PICALM: variants seen among roughly 807,000 people sequenced by gnomAD.
PICALM encodes the protein phosphatidylinositol binding clathrin assembly protein, also known as phosphatidylinositol-binding clathrin assembly protein.
A neutral mutation model predicts 80.5 loss-of-function variants in PICALM; 40 were observed. That is an observed-to-expected ratio of 0.50 (90% confidence interval 0.39 to 0.65). The LOEUF (loss-of-function observed/expected upper bound fraction) is 0.65. Ranked by LOEUF, PICALM falls within the 30% of genes least tolerant of loss-of-function variation. The probability of loss-of-function intolerance (pLI) is 0.00; values close to 1 mark genes in which losing one functional copy is unlikely to be tolerated. For missense variants in PICALM, 676 were observed against 778.9 expected, an observed-to-expected ratio of 0.87 and a Z score of 1.57; for synonymous variants, 288 against 260.3, an observed-to-expected ratio of 1.11 and a Z score of -1.02.
intron 13 of PICALM, among the ~76,000 whole-genome samples, chr11:85,985,593 C>G (rs1162205078): frequency 6.6e-6 from 1 of 152,162 alleles, no homozygotes; most frequent in Non-Finnish European, 1.5e-5. Flanking sequence ...GAATCCTAGA[C>G]TTACCAATTT....
At chr11:86,053,127 A>C (rs773772202) in intron 1 of PICALM, among the ~76,000 whole-genome samples, 15 of 152,264 alleles carry the variant, frequency 9.9e-5, no homozygotes, top group Non-Finnish European at 2.1e-4. Context: ...AGGACAGATT[A>C]GTGTTTCACA....
chr11:86,053,942 T>C (rs576591204), intron 1 of PICALM, among the ~76,000 whole-genome samples: 4 of 152,324 alleles, frequency 2.6e-5, no homozygotes, highest in African/African-American at 7.2e-5. Flanking sequence ...TTTTCAGATA[T>C]ATAAAAGTCA....
In PICALM at chr11:86,068,742, G is replaced by T. The variant is rs1392961536; in HGVS notation, c.39C>A (p.Ala13=). The change falls in exon 1 of 20, where the codon GCC becomes GCA. Residue 13 remains alanine, a synonymous_variant. Coordinates refer to ENST00000393346, the MANE Select transcript of PICALM (RefSeq NM_007166.4). ...GQSLTDRITA[A]QHSVTGSAVS... is the part of the protein sequence containing the mutation. ...CGGCAGAGCCGGTGACACTGTGCTG[G>T]GCGGCAGTGATTCGGTCCGTCAGGC... 2 of 1,612,418 alleles carry T rather than the reference G, an allele frequency of 1.2e-6. No homozygotes were observed. The highest frequency in any genetic ancestry group is 4.5e-5 in the East Asian group (2 of 44,856).
intron 13 of PICALM, among the ~76,000 whole-genome samples, chr11:85,988,967 C>G (rs757219092): frequency 5.9e-5 from 9 of 152,204 alleles, no homozygotes; most frequent in Non-Finnish European, 1.2e-4. Flanking sequence ...CAAGCCTACA[C>G]ACTTTCACAG....
intron 19 of PICALM, chr11:85,974,405 T>A: frequency 5.6e-6 from 3 of 538,896 alleles, no homozygotes; most frequent in South Asian, 4.2e-5. Context: ...TCACAAAGGA[T>A]ACTACACCAG....
At chr11:85,964,070 T>C (rs901123672) in intron 19 of PICALM, among the ~76,000 whole-genome samples, 5 of 152,070 alleles carry the variant, frequency 3.3e-5, no homozygotes, top group African/African-American at 1.2e-4. Flanking sequence ...TAAAAATGGT[T>C]ACTCCTTCAT....
chr11:86,006,214 G>C (rs568226752), intron 8 of PICALM, among the ~76,000 whole-genome samples: 2 of 152,166 alleles, frequency 1.3e-5, no homozygotes, highest in Non-Finnish European at 2.9e-5. Flanking sequence ...TTTATTTCAA[G>C]TGGACATATA....
intron 13 of PICALM, among the ~76,000 whole-genome samples, chr11:85,987,762 T>C (rs1565302928): frequency 6.6e-6 from 1 of 152,234 alleles, no homozygotes; most frequent in Non-Finnish European, 1.5e-5. Context: ...CCAGCTACTG[T>C]ACCCAGCTCC....
chr11:85,976,708 CAAGA>C (rs764333622), intron 17 of PICALM, 26 bp from the exon 18 acceptor site: 1 of 1,422,140 alleles, frequency 7.0e-7, no homozygotes. Flanking sequence ...GAAAAATGAA[CAAGA>C]AAGTATAACT....
intron 1 of PICALM, among the ~76,000 whole-genome samples, chr11:86,040,555 A>G (rs2095943496): frequency 6.6e-6 from 1 of 152,156 alleles, no homozygotes; most frequent in African/African-American, 2.4e-5. Flanking sequence ...GTGAGTTTCA[A>G]TATTATGAGG....
At chr11:85,990,161 G>T in intron 13 of PICALM, 89 bp downstream of exon 13, 1 of 656,586 alleles carries the variant, frequency 1.5e-6, no homozygotes, top group South Asian at 3.2e-5. Flanking sequence ...AGTAACTATT[G>T]CAGTGCTTTT....
At chr11:85,974,358 C>T (rs1191584795) in intron 19 of PICALM, 1 of 427,394 alleles carries the variant, frequency 2.3e-6, no homozygotes, top group Non-Finnish European at 4.7e-6. Flanking sequence ...TAGCCATTAG[C>T]CAAGGAACTA....
intron 8 of PICALM, among the ~76,000 whole-genome samples, chr11:86,004,732 G>A (rs1472812520): frequency 6.6e-6 from 1 of 152,052 alleles, no homozygotes; most frequent in African/African-American, 2.4e-5. Context: ...AGTTAAAGGG[G>A]CAATACCTGC....
chr11:86,038,271 G>C (rs984278487), intron 1 of PICALM, among the ~76,000 whole-genome samples: 7 of 152,010 alleles, frequency 4.6e-5, no homozygotes, highest in African/African-American at 1.5e-4. Context: ...AGGAAGCTGA[G>C]ATCACAGCCA....
intron 5 of PICALM, among the ~76,000 whole-genome samples, chr11:86,013,959 C>A (rs2095440199): frequency 6.6e-6 from 1 of 152,134 alleles, no homozygotes; most frequent in South Asian, 2.1e-4. Context: ...CATGTAACTT[C>A]CACCTGTTAC....
Position 86,015,859 on chromosome 11 carries a change from A to G in PICALM, c.453-896T>C, listed in dbSNP as rs187659043. ...TACTTATAAATGGCTGTTCTACCCT[A>G]CGATAAACCATGAACTATGACCTCA... On this transcript the variant is annotated intron_variant, in intron 4 of 19. Transcript: ENST00000393346. Among the ~76,000 whole-genome samples the G allele has an allele frequency of 3.9e-3, 599 of 152,328 alleles. 4 individuals carry two copies. Among genetic ancestry groups the G allele is most frequent in the African/African-American group, 0.014 (571 of 41,564 alleles).
intron 10 of PICALM, 61 bp from the exon 11 acceptor site, chr11:86,000,840 G>GA (rs1378525694): frequency 6.4e-7 from 1 of 1,559,424 alleles, no homozygotes; most frequent in East Asian, 2.2e-5. Flanking sequence ...TACAGCCTCT[G>GA]AAAAAAGCAT....
At chr11:85,993,664 C>G (rs995832514) in intron 12 of PICALM, among the ~76,000 whole-genome samples, 1 of 152,020 alleles carries the variant, frequency 6.6e-6, no homozygotes, top group Non-Finnish European at 1.5e-5. Flanking sequence ...GTCTCAAATT[C>G]CTGACGTCAA....
chr11:85,992,684 A>G (rs1156332178), intron 12 of PICALM, among the ~76,000 whole-genome samples: 1 of 152,122 alleles, frequency 6.6e-6, no homozygotes, highest in Non-Finnish European at 1.5e-5. Context: ...TTTTTCACGC[A>G]AAAAAAGCCA....
Sources: allele counts gnomAD v4.1 joint callset (sites outside exome capture counted in the v4.1 genomes callset), GRCh38; gene constraint gnomAD v4.1.1; transcripts MANE v1.5; gene names NCBI Gene and HGNC (gene_info 2026-07-23, HGNC 2026-07-21).